The following CCSER1 variants were observed in gnomAD, a reference collection of about 807,000 sequenced individuals.
CCSER1 encodes the protein coiled-coil serine rich protein 1, also known as serine-rich coiled-coil domain-containing protein 1.
CCSER1 carries 41 observed loss-of-function variants against 82.0 expected under a neutral mutation model. The observed-to-expected ratio is 0.50, with a 90% CI of 0.39 to 0.65. The LOEUF (loss-of-function observed/expected upper bound fraction) is 0.65. Ranked by LOEUF, CCSER1 falls within the 30% of genes least tolerant of loss-of-function variation. The pLI is 0.00. For synonymous variants in CCSER1, 414 were observed against 383.9 expected, an observed-to-expected ratio of 1.08 and a Z score of -0.92; for missense variants, 1,119 against 1,064.2, an observed-to-expected ratio of 1.05 and a Z score of -0.72.
chr4:91,120,758 C>G (rs1391435612), intron 10 of CCSER1, among the ~76,000 whole-genome samples: 1 of 151,720 alleles, frequency 6.6e-6, no homozygotes. Context: ...ATTACTTTGG[C>G]TGGGGCCTGG....
chr4:91,416,986 A>T (rs185826609), intron 10 of CCSER1, among the ~76,000 whole-genome samples: 277 of 152,330 alleles, frequency 1.8e-3, no homozygotes, highest in African/African-American at 6.5e-3. Flanking sequence ...AGAGTCTACA[A>T]GGAGCTTAAA....
rs73832781 is a variant in CCSER1 at position 90,393,555 on chromosome 4, A to T, written c.1510-6481A>T. ...TCAAGTAAATATAAAATAAAAAACC[A>T]CTGAAGTCCAAAGCAGCATGTCAAA... On this transcript the variant is annotated intron_variant, in intron 3 of 10. Transcript: ENST00000509176. Among the ~76,000 whole-genome samples, 1,245 of 152,270 alleles carry T rather than the reference A, an allele frequency of 8.2e-3. 13 individuals are homozygous for T. The highest frequency in any genetic ancestry group is 0.028 in the African/African-American group (1,171 of 41,554).
intron 1 of CCSER1, among the ~76,000 whole-genome samples, chr4:90,307,331 C>A (rs1172318357): frequency 1.3e-5 from 2 of 152,044 alleles, no homozygotes; most frequent in African/African-American, 4.8e-5. Context: ...ATTGTCACTT[C>A]TCTCAAGGTT....
At chr4:90,320,009 TTTTA>T (rs746164044) in intron 3 of CCSER1, among the ~76,000 whole-genome samples, 8 of 152,210 alleles carry the variant, frequency 5.3e-5, no homozygotes, top group Non-Finnish European at 1.2e-4. Flanking sequence ...TCCTTTATGC[TTTTA>T]TTTGTTTTTC....
chr4:91,580,784 C>T (rs1763691907), intron 10 of CCSER1, among the ~76,000 whole-genome samples: 1 of 151,724 alleles, frequency 6.6e-6, no homozygotes, highest in African/African-American at 2.4e-5. Context: ...GCCTCCTTGA[C>T]AATTTGGCTT....
chr4:91,523,395 AG>A, intron 10 of CCSER1, among the ~76,000 whole-genome samples: 2 of 152,294 alleles, frequency 1.3e-5, no homozygotes, highest in South Asian at 4.1e-4. Context: ...TCATAAAATG[AG>A]TTAGGGAGGA....
chr4:91,585,987 G>A (rs1477533310), intron 10 of CCSER1, among the ~76,000 whole-genome samples: 1 of 151,664 alleles, frequency 6.6e-6, no homozygotes, highest in Non-Finnish European at 1.5e-5. Context: ...GCACAAAATA[G>A]TGGATAAAGT....
chr4:90,662,348 A>G (rs1017324364), intron 6 of CCSER1, among the ~76,000 whole-genome samples: 5 of 152,014 alleles, frequency 3.3e-5, no homozygotes, highest in African/African-American at 7.2e-5. Flanking sequence ...GTGTGAAAAC[A>G]TTAATGTTCT....
chr4:91,333,180 G>A (rs918462318), intron 10 of CCSER1, among the ~76,000 whole-genome samples: 5 of 151,832 alleles, frequency 3.3e-5, no homozygotes, highest in Admixed American at 1.3e-4. Context: ...ATACCATTAT[G>A]GTTGGATTGA....
chr4:90,391,570 C>T (rs1299933213), intron 3 of CCSER1, among the ~76,000 whole-genome samples: 8 of 129,392 alleles, frequency 6.2e-5, no homozygotes, highest in African/African-American at 2.4e-4. Flanking sequence ...AATTTAAAAA[C>T]ATCAATAGTA....
intron 9 of CCSER1, among the ~76,000 whole-genome samples, chr4:90,938,087 GT>G (rs2150318876): frequency 1.3e-5 from 2 of 152,082 alleles, no homozygotes; most frequent in Admixed American, 1.3e-4. Flanking sequence ...ACAAAATGAA[GT>G]CTCTTTTTGT....
chr4:90,466,377 G>C (rs1763650398), intron 4 of CCSER1, among the ~76,000 whole-genome samples: 1 of 152,226 alleles, frequency 6.6e-6, no homozygotes, highest in South Asian at 2.1e-4. Flanking sequence ...TAGAAGCTCA[G>C]AGTGGTCCCT....
At chr4:90,835,287 C>T (rs1761661907) in intron 8 of CCSER1, among the ~76,000 whole-genome samples, 1 of 152,118 alleles carries the variant, frequency 6.6e-6, no homozygotes, top group Non-Finnish European at 1.5e-5. Flanking sequence ...GCCGAGATGA[C>T]GCCACTGCAC....
intron 10 of CCSER1, among the ~76,000 whole-genome samples, chr4:91,161,934 T>G (rs1731450349): frequency 6.6e-6 from 1 of 152,166 alleles, no homozygotes; most frequent in Non-Finnish European, 1.5e-5. Flanking sequence ...TATTTTTTTC[T>G]TTTCCTGATT....
At chr4:90,407,996 A>G (rs7683272) in intron 4 of CCSER1, among the ~76,000 whole-genome samples, 5 of 152,044 alleles carry the variant, frequency 3.3e-5, no homozygotes, top group African/African-American at 4.8e-5. Context: ...TATCCCGCGC[A>G]TGGCTCAGAG....
chr4:91,081,006 T>C (rs1228866391), intron 9 of CCSER1, among the ~76,000 whole-genome samples: 1 of 152,210 alleles, frequency 6.6e-6, no homozygotes, highest in African/African-American at 2.4e-5. Flanking sequence ...CCATGCCTTC[T>C]GAAATTATTC....
intron 10 of CCSER1, among the ~76,000 whole-genome samples, chr4:91,276,692 G>A (rs997383417): frequency 6.6e-6 from 1 of 152,056 alleles, no homozygotes; most frequent in African/African-American, 2.4e-5. Context: ...GTGTTGAGTA[G>A]GAGAGATAAA....
chr4:90,540,782 G>T (rs1776003010), intron 5 of CCSER1, among the ~76,000 whole-genome samples: 1 of 151,996 alleles, frequency 6.6e-6, no homozygotes, highest in Non-Finnish European at 1.5e-5. Flanking sequence ...TAGGCAAGTT[G>T]CATAACTAAT....
intron 9 of CCSER1, among the ~76,000 whole-genome samples, chr4:91,003,228 C>T (rs1738198853): frequency 6.6e-6 from 1 of 152,048 alleles, no homozygotes; most frequent in Non-Finnish European, 1.5e-5. Flanking sequence ...AGTGGGCCTC[C>T]TGCCAGGAGC....
Sources: allele counts gnomAD v4.1 joint callset (sites outside exome capture counted in the v4.1 genomes callset), GRCh38; gene constraint gnomAD v4.1.1; transcripts MANE v1.5; gene names NCBI Gene and HGNC (gene_info 2026-07-23, HGNC 2026-07-21).